UNC5D: variants seen among roughly 807,000 people sequenced by gnomAD.
The protein encoded by UNC5D is unc-5 netrin receptor D.
Under a neutral mutation model 105.4 loss-of-function variants are expected in UNC5D, and 39 were observed. The ratio of observed to expected loss-of-function variants is 0.37; its 90% CI spans 0.29 to 0.48. The LOEUF (loss-of-function observed/expected upper bound fraction) is 0.48. UNC5D is among the 20% of genes least tolerant of loss of function. The pLI is 0.98. For missense variants in UNC5D, 991 were observed against 1,202.4 expected, an observed-to-expected ratio of 0.82 and a Z score of 2.60; for synonymous variants, 452 against 450.4, an observed-to-expected ratio of 1.00 and a Z score of -0.04.
intron 1 of UNC5D, among the ~76,000 whole-genome samples, chr8:35,385,279 T>A (rs2128935661): frequency 1.3e-5 from 2 of 152,220 alleles, no homozygotes; most frequent in South Asian, 4.1e-4. Context: ...GTATTGATCT[T>A]CCCTAGGGCT....
chr8:35,742,893 A>C (rs576794353), intron 11 of UNC5D, among the ~76,000 whole-genome samples: 87 of 152,298 alleles, frequency 5.7e-4, no homozygotes, highest in African/African-American at 2.0e-3. Flanking sequence ...CCTGTCACCA[A>C]CTGCAGCACC....
chr8:35,773,603 C>T (rs1802101695), intron 15 of UNC5D, among the ~76,000 whole-genome samples: 1 of 152,192 alleles, frequency 6.6e-6, no homozygotes, highest in African/African-American at 2.4e-5. Flanking sequence ...GGTCATTCCT[C>T]ACTCTGAACT....
intron 1 of UNC5D, among the ~76,000 whole-genome samples, chr8:35,334,824 A>G (rs1039179912): frequency 1.3e-5 from 2 of 152,102 alleles, no homozygotes; most frequent in Non-Finnish European, 2.9e-5. Context: ...TAAACTGTAC[A>G]TTTTTAAAAC....
In UNC5D at chr8:35,557,595, C is replaced by T. The variant is rs1026818087; in HGVS notation, c.322+8085C>T. On this transcript the variant is annotated intron_variant, in intron 2 of 16. Transcript: ENST00000404895. ...TAAGCTCTCTCAAGATACGGAGGTA[C>T]GGTTCCATGACATTTCTTCCCTATC... Among the ~76,000 whole-genome samples the T allele has an allele frequency of 7.9e-5, 12 of 152,146 alleles. No homozygotes were observed. The South Asian group carries it at 1.0e-3, about 13-fold the overall frequency.
Position 35,624,125 on chromosome 8 carries a change from C to T in UNC5D, c.570+28468C>T, listed in dbSNP as rs181513627. Among the ~76,000 whole-genome samples, 15 of 152,108 alleles carry T rather than the reference C, an allele frequency of 9.9e-5. No homozygotes were observed. In the East Asian group the frequency reaches 2.9e-3, roughly 29 times the overall value. On this transcript the variant is annotated intron_variant, in intron 4 of 16. Coordinates refer to ENST00000404895, the MANE Select transcript of UNC5D (RefSeq NM_080872.4). ...TAGTCTTATTTTTCCTGTTTCTCTACAAAGCTAAAAAAGTCATCACAGATC... is the reference window on the plus strand; with the variant it reads ...TAGTCTTATTTTTCCTGTTTCTCTATAAAGCTAAAAAAGTCATCACAGATC...
intron 8 of UNC5D, among the ~76,000 whole-genome samples, chr8:35,719,351 A>G (rs536123191): frequency 6.6e-6 from 1 of 152,178 alleles, no homozygotes; most frequent in Admixed American, 6.5e-5. Flanking sequence ...TCAGAAAACA[A>G]TGGGATGGAG....
intron 1 of UNC5D, among the ~76,000 whole-genome samples, chr8:35,514,154 C>G (rs1812961731): frequency 6.6e-6 from 1 of 152,222 alleles, no homozygotes; most frequent in African/African-American, 2.4e-5. Context: ...TTTTGCATTT[C>G]TGCAGCCACG....
At chr8:35,666,912 G>A in intron 4 of UNC5D, among the ~76,000 whole-genome samples, 1 of 152,114 alleles carries the variant, frequency 6.6e-6, no homozygotes, top group East Asian at 1.9e-4. Flanking sequence ...TCCACACTGT[G>A]TAAGATTATG....
chr8:35,436,486 G>A (rs1563416275), intron 1 of UNC5D, among the ~76,000 whole-genome samples: 5 of 151,982 alleles, frequency 3.3e-5, no homozygotes. Flanking sequence ...CAAAAGCCCT[G>A]AACTGAGTCC....
intron 13 of UNC5D, among the ~76,000 whole-genome samples, chr8:35,753,297 C>A (rs951142053): frequency 2.0e-5 from 3 of 152,022 alleles, no homozygotes. Context: ...GAGATGGAGT[C>A]TCGCTCTGTC....
At chr8:35,590,009 G>T (rs922571225) in intron 3 of UNC5D, among the ~76,000 whole-genome samples, 1 of 152,080 alleles carries the variant, frequency 6.6e-6, no homozygotes, top group African/African-American at 2.4e-5. Flanking sequence ...TAAGCCTCTT[G>T]CAAGAGGAAG....
intron 1 of UNC5D, among the ~76,000 whole-genome samples, chr8:35,303,323 T>A (rs1808099727): frequency 6.6e-6 from 1 of 152,170 alleles, no homozygotes; most frequent in African/African-American, 2.4e-5. Context: ...GATCTACTTT[T>A]AAATTTTAAT....
chr8:35,525,796 AC>A, intron 1 of UNC5D: 1 of 1,477,818 alleles, frequency 6.8e-7, no homozygotes. Flanking sequence ...CTTTTAACTA[AC>A]TTTTTTGTTT....
intron 1 of UNC5D, among the ~76,000 whole-genome samples, chr8:35,433,720 A>G (rs1000346069): frequency 5.3e-5 from 8 of 151,856 alleles, no homozygotes; most frequent in Non-Finnish European, 8.8e-5. Context: ...ATGGTGGCAC[A>G]TGCCTGTAAT....
chr8:35,696,588 C>T (rs1426043089), intron 7 of UNC5D, among the ~76,000 whole-genome samples: 1 of 152,122 alleles, frequency 6.6e-6, no homozygotes, highest in African/African-American at 2.4e-5. Flanking sequence ...GAGTAATCTA[C>T]TGTTGTGAAA....
chr8:35,449,795 A>G (rs762381778), intron 1 of UNC5D, among the ~76,000 whole-genome samples: 11 of 152,016 alleles, frequency 7.2e-5, no homozygotes, highest in Non-Finnish European at 1.6e-4. Context: ...TATATTTTAG[A>G]CCCACAGAGG....
intron 4 of UNC5D, among the ~76,000 whole-genome samples, chr8:35,602,062 G>T (rs1401040291): frequency 6.6e-6 from 1 of 152,130 alleles, no homozygotes; most frequent in East Asian, 1.9e-4. Context: ...TCATCATGTG[G>T]TTTTTGTCTT....
intron 16 of UNC5D, among the ~76,000 whole-genome samples, chr8:35,788,038 G>A (rs1189563096): frequency 1.3e-5 from 2 of 152,186 alleles, no homozygotes; most frequent in Non-Finnish European, 2.9e-5. Flanking sequence ...AAACTAGAGA[G>A]AATGTTTTTA....
chr8:35,577,665 C>G (rs1199232649), intron 3 of UNC5D, among the ~76,000 whole-genome samples: 1 of 152,202 alleles, frequency 6.6e-6, no homozygotes, highest in East Asian at 1.9e-4. Flanking sequence ...TTCACACAAA[C>G]ATCAGCATGG....
Sources: gnomAD v4.1 joint callset for allele counts (sites outside exome capture counted in the v4.1 genomes callset) on GRCh38, gnomAD v4.1.1 for gene constraint, MANE v1.5 for transcripts, NCBI Gene and HGNC (gene_info 2026-07-23, HGNC 2026-07-21) for gene names.